The following GNA12 variants were observed in gnomAD, a reference collection of about 807,000 sequenced individuals.
GNA12 encodes the protein guanine nucleotide-binding protein subunit alpha-12.
In GNA12, 9 loss-of-function variants were observed where a neutral mutation model predicts 26.0. That is an observed-to-expected ratio of 0.35 (90% CI 0.21 to 0.60). GNA12 has a LOEUF of 0.60. Among genes scored for constraint, GNA12 ranks in the 20% least tolerant of loss-of-function variants. The pLI, the probability that GNA12 is intolerant of heterozygous loss-of-function variation, is 0.78. For missense variants in GNA12, 405 were observed against 525.8 expected (o/e 0.77, Z 2.25); for synonymous variants, 264 against 219.6 (o/e 1.20, Z -1.79).
intron 1 of GNA12, among the ~76,000 whole-genome samples, chr7:2,803,803 C>A (rs997497): frequency 0.58 from 86,559 of 148,592 alleles, 25,438 homozygotes; most frequent in Admixed American, 0.63. Flanking sequence ...CAAAACAAAA[C>A]AAAACAAAAC....
rs749517564 is a variant in GNA12 at position 2,771,921 on chromosome 7, C to A, written c.525+23007G>T. 1.1e-4 allele frequency among the ~76,000 whole-genome samples: 17 copies of A among 152,220 alleles called. 1 individual carries two copies. The highest frequency in any genetic ancestry group is 8.3e-4 in the South Asian group (4 of 4,818). ...GTGTGTGAGAGCCTGAGTTCCCACC[C>A]CCGCCCTCACTGTGCCTTGGGTGGT... is the stretch of plus-strand genomic sequence containing the variant. On this transcript the variant is annotated intron_variant, in intron 2 of 3. Transcript: ENST00000275364.
chr7:2,796,086 G>A (rs965076437), intron 1 of GNA12, among the ~76,000 whole-genome samples: 1 of 151,654 alleles, frequency 6.6e-6, no homozygotes, highest in African/African-American at 2.4e-5. Flanking sequence ...GCCTGGTCTC[G>A]AACTCCTGAC....
chr7:2,834,200 T>C (rs906367707), intron 1 of GNA12, among the ~76,000 whole-genome samples: 41 of 152,374 alleles, frequency 2.7e-4, no homozygotes, highest in African/African-American at 8.9e-4. Context: ...TATCTCTATG[T>C]ATTCGAATTT....
rs530926289 is a variant in GNA12, at chr7:2,781,040, G to A, written c.525+13888C>T. Among the ~76,000 whole-genome samples the A allele has an allele frequency of 1.3e-3, 200 of 152,294 alleles. 4 individuals are homozygous for A. The highest frequency in any genetic ancestry group is 0.013 in the South Asian group (61 of 4,832). ...TTGGCATTGTCACGTTTTAATTTTT[G>A]CAAATCTGTGAGTATATCATAATAT... On this transcript the variant is annotated intron_variant, in intron 2 of 3. Coordinates refer to ENST00000275364, the MANE Select transcript of GNA12 (RefSeq NM_007353.3).
chr7:2,762,749 T>G (rs1048828300), intron 2 of GNA12: 6 of 1,553,036 alleles, frequency 3.9e-6, no homozygotes, highest in Non-Finnish European at 5.2e-6. Flanking sequence ...CCGCAGGAAG[T>G]GCACCAGGCC....
chr7:2,734,010 C>A (rs1460000016), intron 2 of GNA12, among the ~76,000 whole-genome samples: 1 of 152,244 alleles, frequency 6.6e-6, no homozygotes. Context: ...GTCCATTATT[C>A]CTTCCCACAT....
chr7:2,732,419 T>G (rs998216784), intron 3 of GNA12, among the ~76,000 whole-genome samples: 7 of 152,092 alleles, frequency 4.6e-5, no homozygotes, highest in African/African-American at 1.4e-4. Flanking sequence ...TGGTGCCTCA[T>G]GCTATAGTCC....
Position 2,729,685 on chromosome 7 carries a change from G to C in GNA12, c.*1496C>G, listed in dbSNP as rs1789791319. 6.6e-6 allele frequency: 1 copy of C among 152,386 alleles called. No individual in the cohort carries two copies. The highest frequency in any genetic ancestry group is 1.5e-5 in the Non-Finnish European group (1 of 68,056). 9.4% of individuals were successfully genotyped at this position (152,386 alleles called of 1,614,324 possible). On this transcript the variant is annotated 3_prime_UTR_variant, in exon 4 of 4. Coordinates refer to ENST00000275364, the MANE Select transcript of GNA12 (RefSeq NM_007353.3). ...TCGGGGCAGCACGGCCTCGGGACGA[G>C]GGCCCTGGGATATGTGACTGAGCCA...
chr7:2,824,165 G>C (rs895802111), intron 1 of GNA12, among the ~76,000 whole-genome samples: 1 of 152,192 alleles, frequency 6.6e-6, no homozygotes, highest in Non-Finnish European at 1.5e-5. Context: ...CCACAGATCA[G>C]GATGACAGCC....
chr7:2,787,451 A>G (rs893636288), intron 2 of GNA12, among the ~76,000 whole-genome samples: 1 of 152,172 alleles, frequency 6.6e-6, no homozygotes, highest in African/African-American at 2.4e-5. Context: ...ACCTCCCGTC[A>G]GCCTCCCTGC....
intron 2 of GNA12, among the ~76,000 whole-genome samples, chr7:2,741,132 T>C (rs4722029): frequency 0.17 from 25,261 of 152,136 alleles, 2,173 homozygotes; most frequent in Non-Finnish European, 0.2. Context: ...GGGATCATCA[T>C]AGAAAAATGA....
chr7:2,773,225 C>A (rs987835185), intron 2 of GNA12, among the ~76,000 whole-genome samples: 1 of 152,144 alleles, frequency 6.6e-6, no homozygotes, highest in East Asian at 1.9e-4. Flanking sequence ...TTGTATACAC[C>A]TAAGATTTGT....
intron 2 of GNA12, among the ~76,000 whole-genome samples, chr7:2,763,872 G>A (rs1447221186): frequency 6.6e-6 from 1 of 152,234 alleles, no homozygotes; most frequent in African/African-American, 2.4e-5. Flanking sequence ...GAGAGCGAGG[G>A]AGACGGAGAG....
intron 2 of GNA12, chr7:2,763,053 GGACGCA>G: frequency 8.0e-7 from 1 of 1,247,334 alleles, no homozygotes; most frequent in Non-Finnish European, 1.0e-6. Flanking sequence ...CGTTCCTCCA[GGACGCA>G]GACCGGGGCT....
At chr7:2,826,428 C>T (rs965439369) in intron 1 of GNA12, among the ~76,000 whole-genome samples, 8 of 150,574 alleles carry the variant, frequency 5.3e-5, no homozygotes, top group Admixed American at 3.3e-4. Context: ...CCATATAATC[C>T]AGCAATTAAC....
chr7:2,756,505 C>A (rs1791302401), intron 2 of GNA12, among the ~76,000 whole-genome samples: 1 of 152,096 alleles, frequency 6.6e-6, no homozygotes, highest in African/African-American at 2.4e-5. Context: ...GTCCCAGCTA[C>A]TCAGGAGGCT....
chr7:2,824,238 T>C (rs951074972), intron 1 of GNA12, among the ~76,000 whole-genome samples: 2 of 152,140 alleles, frequency 1.3e-5, no homozygotes, highest in Non-Finnish European at 2.9e-5. Flanking sequence ...ACCCCGTGAA[T>C]GTCCAAGTCA....
Position 2,777,586 on chromosome 7 carries a change from C to T in GNA12, c.525+17342G>A, listed in dbSNP as rs537346867. On this transcript the variant is annotated intron_variant, in intron 2 of 3. Coordinates refer to ENST00000275364, the MANE Select transcript of GNA12 (RefSeq NM_007353.3). Reference sequence around the variant, plus strand: ...CCTGATTAGTGCCCTTATAAGAAGACGGAGAGACATCAGAGCTTCTCTCTC... The same window carrying T: ...CCTGATTAGTGCCCTTATAAGAAGATGGAGAGACATCAGAGCTTCTCTCTC... Among the ~76,000 whole-genome samples, 17 of 152,174 alleles carry T rather than the reference C, an allele frequency of 1.1e-4. No homozygotes were observed. The East Asian group carries it at 1.7e-3, about 16-fold the overall frequency.
chr7:2,843,415 C>T (rs1290721989), intron 1 of GNA12, among the ~76,000 whole-genome samples: 1 of 151,496 alleles, frequency 6.6e-6, no homozygotes, highest in Non-Finnish European at 1.5e-5. Context: ...GAGACCAAGG[C>T]AGGAGGATCA....
Sources: gnomAD v4.1 joint callset for allele counts (sites outside exome capture counted in the v4.1 genomes callset) on GRCh38, gnomAD v4.1.1 for gene constraint, MANE v1.5 for transcripts, NCBI Gene and HGNC (gene_info 2026-07-23, HGNC 2026-07-21) for gene names.